The following TUNAR variants were observed in gnomAD, a reference collection of about 807,000 sequenced individuals.
TUNAR encodes the protein transmembrane neural differentiation associated intracellular calcium regulator, also known as protein TUNAR.
chr14:95,889,367 A>T (rs1255675191), intron 2 of TUNAR, among the ~76,000 whole-genome samples: 2 of 152,194 alleles, frequency 1.3e-5, no homozygotes, highest in East Asian at 3.8e-4. Flanking sequence ...CTGATTTTAA[A>T]TTGGAACATT....
chr14:95,925,279 A>G (rs1198209011), exon 3 of TUNAR: 1 of 152,264 alleles, frequency 6.6e-6, no homozygotes, highest in Non-Finnish European at 1.5e-5. Context: ...CTGATTCCTT[A>G]GCCCTTGGGG....
At chr14:95,909,610 G>C (rs1394651807) in intron 2 of TUNAR, among the ~76,000 whole-genome samples, 1 of 152,192 alleles carries the variant, frequency 6.6e-6, no homozygotes, top group East Asian at 1.9e-4. Context: ...GGGAAATCCA[G>C]CTAGGTGGGC....
intron 2 of TUNAR, among the ~76,000 whole-genome samples, chr14:95,912,319 T>C (rs997721250): frequency 6.6e-6 from 1 of 152,256 alleles, no homozygotes; most frequent in Non-Finnish European, 1.5e-5. Flanking sequence ...TCATTGATTT[T>C]ATTTAATATG....
chr14:95,877,551 C>T (rs1438702595), intron 2 of TUNAR, among the ~76,000 whole-genome samples: 2 of 152,126 alleles, frequency 1.3e-5, no homozygotes, highest in Non-Finnish European at 2.9e-5. Context: ...AATAGGTCCC[C>T]GTTTCTCCTT....
At chr14:95,924,750 TC>T (rs1301325964) in exon 3 of TUNAR, 1 of 152,146 alleles carries the variant, frequency 6.6e-6, no homozygotes, top group Non-Finnish European at 1.5e-5. Context: ...TCCCACCGGG[TC>T]CCTCCCACAA....
chr14:95,897,551 G>A (rs536833175), intron 2 of TUNAR, among the ~76,000 whole-genome samples: 80 of 152,178 alleles, frequency 5.3e-4, no homozygotes, highest in Middle Eastern at 3.2e-3. Flanking sequence ...ATGCTCTAGC[G>A]TATGCATTGT....
exon 1 of TUNAR, chr14:95,876,481 G>C (rs1010267971): frequency 1.7e-4 from 26 of 152,210 alleles, no homozygotes; most frequent in Admixed American, 6.5e-4. Context: ...TGCTGCCGCC[G>C]AGGTGCCCCT....
intron 2 of TUNAR, among the ~76,000 whole-genome samples, chr14:95,878,983 A>C (rs1888933557): frequency 6.8e-6 from 1 of 146,422 alleles, no homozygotes; most frequent in African/African-American, 2.8e-5. Context: ...CAAATAAATA[A>C]AGTGATTTTT....
chr14:95,888,139 T>G (rs1163113366), intron 2 of TUNAR, among the ~76,000 whole-genome samples: 1 of 152,218 alleles, frequency 6.6e-6, no homozygotes, highest in Non-Finnish European at 1.5e-5. Context: ...CTTGGACAAT[T>G]TGCTTCAGCC....
chr14:95,901,906 C>T (rs1169364999), intron 2 of TUNAR, among the ~76,000 whole-genome samples: 2 of 152,160 alleles, frequency 1.3e-5, no homozygotes, highest in Admixed American at 6.5e-5. Context: ...GACACGGTAT[C>T]TGAGCAATCT....
At chr14:95,889,754 C>T (rs1029261749) in intron 2 of TUNAR, among the ~76,000 whole-genome samples, 5 of 152,150 alleles carry the variant, frequency 3.3e-5, no homozygotes, top group South Asian at 2.1e-4. Flanking sequence ...AGCAGAGTAC[C>T]GGAAGGGCCT....
intron 2 of TUNAR, among the ~76,000 whole-genome samples, chr14:95,906,347 C>T (rs888387848): frequency 2.6e-5 from 4 of 152,194 alleles, no homozygotes; most frequent in African/African-American, 4.8e-5. Flanking sequence ...TTAAAAACCA[C>T]GTGTTTATAC....
chr14:95,915,379 C>G (rs1043261599), intron 2 of TUNAR, among the ~76,000 whole-genome samples: 4 of 152,186 alleles, frequency 2.6e-5, no homozygotes, highest in South Asian at 2.1e-4. Context: ...CTAATGGAAC[C>G]TCATTTCAGC....
chr14:95,920,405 A>G (rs1288528968), intron 2 of TUNAR, among the ~76,000 whole-genome samples: 10 of 152,200 alleles, frequency 6.6e-5, no homozygotes, highest in Admixed American at 6.5e-4. Context: ...ATACATCATT[A>G]AAAGTATACG....
intron 2 of TUNAR, among the ~76,000 whole-genome samples, chr14:95,900,980 G>A (rs910109125): frequency 3.3e-5 from 5 of 152,198 alleles, no homozygotes; most frequent in Non-Finnish European, 7.3e-5. Flanking sequence ...TAGTTGGCTA[G>A]TTATTTTTGT....
intron 2 of TUNAR, 56 bp from the exon 2 acceptor site, chr14:95,922,725 T>C (rs1481923736): frequency 2.5e-6 from 1 of 397,884 alleles, no homozygotes; most frequent in Non-Finnish European, 4.4e-6. Flanking sequence ...TCTGCCTGGC[T>C]ATGGAGGGCA....
intron 2 of TUNAR, among the ~76,000 whole-genome samples, chr14:95,914,888 G>A (rs920223369): frequency 1.3e-5 from 2 of 152,154 alleles, no homozygotes; most frequent in African/African-American, 4.8e-5. Flanking sequence ...AGCCAGAGTT[G>A]TCATTCCTTC....
intron 2 of TUNAR, among the ~76,000 whole-genome samples, chr14:95,916,443 G>A (rs1889607796): frequency 6.6e-6 from 1 of 152,166 alleles, no homozygotes; most frequent in Non-Finnish European, 1.5e-5. Flanking sequence ...CCATGCGATG[G>A]CACGTTCCAG....
chr14:95,886,567 C>T (rs567856259), intron 2 of TUNAR, among the ~76,000 whole-genome samples: 79 of 152,344 alleles, frequency 5.2e-4, no homozygotes, highest in African/African-American at 1.5e-3. Context: ...GCCAAGGGCA[C>T]GGCATCCCGG....
Sources: allele counts gnomAD v4.1 joint callset (sites outside exome capture counted in the v4.1 genomes callset), GRCh38; gene constraint gnomAD v4.1.1; transcripts MANE v1.5; gene names NCBI Gene and HGNC (gene_info 2026-07-23, HGNC 2026-07-21).